The following ZC3H12B variants were observed in gnomAD, a reference collection of about 807,000 sequenced individuals.
The protein encoded by ZC3H12B is probable ribonuclease ZC3H12B.
Under a neutral mutation model 43.9 loss-of-function variants are expected in ZC3H12B, and 7 were observed. The ratio of observed to expected loss-of-function variants is 0.16; its 90% CI spans 0.09 to 0.30. ZC3H12B has a LOEUF of 0.30. ZC3H12B is among the 10% of genes least tolerant of loss of function. The pLI, the probability that ZC3H12B is intolerant of heterozygous loss-of-function variation, is 1.00. For missense variants in ZC3H12B, 475 were observed against 670.2 expected (o/e 0.71, Z 3.22); for synonymous variants, 222 against 241.7 (o/e 0.92, Z 0.76).
At chrX:65,420,195 G>A (rs73629440) in intron 3 of ZC3H12B, among the ~76,000 whole-genome samples, 1 of 111,405 alleles carries the variant, frequency 9.0e-6, no homozygotes, top group African/African-American at 3.3e-5. Context: ...CAGACCCAAA[G>A]CCTGCCCTGG....
chrX:65,120,164 T>A, the ZC3H12B span, among the ~76,000 whole-genome samples: 1 of 112,024 alleles, frequency 8.9e-6, no homozygotes, highest in East Asian at 2.8e-4. Context: ...TTTAAATTAG[T>A]TTTTTCCAAT....
chrX:65,362,515 G>A (rs2066117046), upstream of ZC3H12B, among the ~76,000 whole-genome samples: 3 of 110,579 alleles, frequency 2.7e-5, no homozygotes, highest in South Asian at 7.8e-4. Flanking sequence ...CTAGGCTACA[G>A]CCACACCTCA....
At chrX:65,289,364 C>T in the ZC3H12B span, among the ~76,000 whole-genome samples, 2 of 109,488 alleles carry the variant, frequency 1.8e-5, no homozygotes, top group African/African-American at 3.3e-5. Context: ...GGGAGGAGGG[C>T]GAGGGTTGAA....
chrX:65,257,509 A>T, the ZC3H12B span, among the ~76,000 whole-genome samples: 1 of 110,815 alleles, frequency 9.0e-6, no homozygotes, highest in Non-Finnish European at 1.9e-5. Context: ...GTGAATGACG[A>T]GTTGATGGGT....
the ZC3H12B span, among the ~76,000 whole-genome samples, chrX:65,337,326 C>A: frequency 1.8e-5 from 2 of 111,763 alleles, no homozygotes; most frequent in African/African-American, 3.3e-5. Flanking sequence ...GGATTTTGTG[C>A]AAGAAAGAAT....
the ZC3H12B span, among the ~76,000 whole-genome samples, chrX:65,163,707 A>G: frequency 0.083 from 9,234 of 111,471 alleles, 1,028 homozygotes; most frequent in African/African-American, 0.29. Context: ...GGAACTCCCC[A>G]ACCCCTTGTG....
At chrX:65,058,031 T>G in the ZC3H12B span, among the ~76,000 whole-genome samples, 1 of 112,155 alleles carries the variant, frequency 8.9e-6, no homozygotes, top group South Asian at 3.7e-4. Context: ...TGTTCGAACT[T>G]CCTCCTTTAG....
chrX:65,369,218 T>C (rs1233249942), intron 2 of ZC3H12B, among the ~76,000 whole-genome samples: 1 of 111,592 alleles, frequency 9.0e-6, no homozygotes, highest in Non-Finnish European at 1.9e-5. Context: ...GCTTTTGGAA[T>C]TAACAGGAAA....
At chrX:65,067,309 A>G in the ZC3H12B span, among the ~76,000 whole-genome samples, 1 of 112,013 alleles carries the variant, frequency 8.9e-6, no homozygotes, top group South Asian at 3.7e-4. Flanking sequence ...GCAGGTTGCA[A>G]AAACCGTGGG....
At chrX:65,125,005 A>G in the ZC3H12B span, among the ~76,000 whole-genome samples, 2 of 109,021 alleles carry the variant, frequency 1.8e-5, no homozygotes, top group African/African-American at 6.7e-5. Flanking sequence ...GATCTTCATT[A>G]TTTCTTTTCT....
rs748058236 is a variant in ZC3H12B at position 65,431,059 on chromosome X, A to G, written n.407+32355A>G. The stretch of plus-strand genomic sequence containing the variant: ...GTTTTATCAAGCCAGCTACTTCAAG[A>G]TGGTAGGGAACATGGTAAGACATGC... On this transcript the variant is annotated intron_variant and non_coding_transcript_variant, in intron 3 of 5. Coordinates refer to the ZC3H12B transcript ENST00000617377. Among the ~76,000 whole-genome samples the G allele has an allele frequency of 3.6e-5, 4 of 112,303 alleles. No homozygotes were observed. The East Asian group carries it at 8.4e-4, about 23-fold the overall frequency.
At chrX:65,447,350 A>G (rs2067391698) in intron 3 of ZC3H12B, among the ~76,000 whole-genome samples, 1 of 111,444 alleles carries the variant, frequency 9.0e-6, no homozygotes, top group South Asian at 3.7e-4. Context: ...AGGACATCCC[A>G]TTTTATAAAT....
intron 3 of ZC3H12B, among the ~76,000 whole-genome samples, chrX:65,441,809 C>T (rs1261619869): frequency 9.0e-6 from 1 of 110,907 alleles, no homozygotes; most frequent in Non-Finnish European, 1.9e-5. Context: ...GCGGCACTAC[C>T]AGCTGTGGCG....
At chrX:65,196,345 C>G in the ZC3H12B span, among the ~76,000 whole-genome samples, 1 of 110,917 alleles carries the variant, frequency 9.0e-6, no homozygotes, top group African/African-American at 3.3e-5. Context: ...AAAGGAACTG[C>G]GGGGTCAAGT....
chrX:65,040,887 C>T, the ZC3H12B span, among the ~76,000 whole-genome samples: 5 of 111,066 alleles, frequency 4.5e-5, no homozygotes, highest in East Asian at 1.4e-3. Context: ...CTGGCTCAAG[C>T]GATCCTCCCA....
chrX:65,054,580 G>A, the ZC3H12B span, among the ~76,000 whole-genome samples: 2 of 111,364 alleles, frequency 1.8e-5, no homozygotes, highest in Admixed American at 1.9e-4. Context: ...GCTCTTTTTT[G>A]GTTCTATATG....
the ZC3H12B span, among the ~76,000 whole-genome samples, chrX:65,360,506 A>T: frequency 2.7e-5 from 3 of 112,374 alleles, no homozygotes; most frequent in African/African-American, 9.7e-5. Context: ...ATGAGATACT[A>T]CCACTTACCT....
At chrX:65,205,171 T>C in the ZC3H12B span, among the ~76,000 whole-genome samples, 1 of 112,128 alleles carries the variant, frequency 8.9e-6, no homozygotes, top group East Asian at 2.8e-4. Flanking sequence ...ATACCAAATG[T>C]ATTTTGACTT....
chrX:65,122,763 C>G, the ZC3H12B span, among the ~76,000 whole-genome samples: 3 of 111,047 alleles, frequency 2.7e-5, no homozygotes, highest in Non-Finnish European at 5.7e-5. Context: ...GACTTTATAC[C>G]AGCAAAGATC....
Sources: gnomAD v4.1 joint callset for allele counts (sites outside exome capture counted in the v4.1 genomes callset) on GRCh38, gnomAD v4.1.1 for gene constraint, MANE v1.5 for transcripts, NCBI Gene and HGNC (gene_info 2026-07-23, HGNC 2026-07-21) for gene names.